Variants in IL20RB observed in about 807,000 individuals in gnomAD.
IL20RB encodes the protein interleukin-20 receptor subunit beta.
Under a neutral mutation model 33.3 loss-of-function variants are expected in IL20RB, and 21 were observed. The observed-to-expected ratio is 0.63, with a 90% CI of 0.45 to 0.91. The LOEUF (loss-of-function observed/expected upper bound fraction) is 0.91, where lower values mean the gene tolerates loss of function less well. IL20RB is among the 40% of genes least tolerant of loss of function. The pLI is 0.00. For synonymous variants in IL20RB, 147 were observed against 146.8 expected (o/e 1.00, Z -0.01); for missense variants, 345 against 384.8 (o/e 0.90, Z 0.86).
At chr3:136,983,398 A>G (rs548778184) in intron 3 of IL20RB, among the ~76,000 whole-genome samples, 2 of 152,302 alleles carry the variant, frequency 1.3e-5, no homozygotes, top group African/African-American at 4.8e-5. Flanking sequence ...GACCAGGTCT[A>G]TCTTACAAAG....
At chr3:136,971,211 A>T (rs1456302989) in intron 1 of IL20RB, among the ~76,000 whole-genome samples, 1 of 151,370 alleles carries the variant, frequency 6.6e-6, no homozygotes, top group Non-Finnish European at 1.5e-5. Context: ...GCTCACTGCA[A>T]CCTCTGCCTC....
At chr3:136,975,877 C>A (rs1203381587) in intron 1 of IL20RB, among the ~76,000 whole-genome samples, 1 of 152,134 alleles carries the variant, frequency 6.6e-6, no homozygotes, top group Non-Finnish European at 1.5e-5. Flanking sequence ...ATTGGGCCTC[C>A]ACATGGCTTG....
chr3:136,982,346 C>A lies in IL20RB; in HGVS notation c.402C>A (p.Asn134Lys). 2 of 1,578,768 alleles carry A rather than the reference C, an allele frequency of 1.3e-6. No homozygotes were observed. Among genetic ancestry groups the A allele is most frequent in the Non-Finnish European group, 1.7e-6 (2 of 1,154,474 alleles). The change falls in exon 3 of 7, where the codon AAC becomes AAA. Residue 134 changes from asparagine (N) to lysine (K), a missense_variant. Coordinates refer to ENST00000329582, the MANE Select transcript of IL20RB (RefSeq NM_144717.4). ...WSILKHPFNR[N>K]STILTRPGME... The stretch of plus-strand genomic sequence containing the variant: ...TCCTGAAGCATCCCTTTAATAGAAA[C>A]TCAAGTAAGGCACTTCTCTCCTTAC...
intron 5 of IL20RB, among the ~76,000 whole-genome samples, chr3:136,992,431 G>A (rs545878595): frequency 6.6e-6 from 1 of 152,358 alleles, no homozygotes; most frequent in East Asian, 1.9e-4. Context: ...ACAGGCTTCA[G>A]AGGGTCAGAC....
intron 3 of IL20RB, among the ~76,000 whole-genome samples, chr3:136,984,429 G>C (rs1386971709): frequency 6.6e-6 from 1 of 151,946 alleles, no homozygotes; most frequent in Non-Finnish European, 1.5e-5. Context: ...GGAATGGGTG[G>C]GAATGTAACC....
At chr3:136,972,205 G>GT (rs1251381607) in intron 1 of IL20RB, among the ~76,000 whole-genome samples, 3 of 152,194 alleles carry the variant, frequency 2.0e-5, no homozygotes, top group Admixed American at 2.0e-4. Context: ...TGTTATTTGA[G>GT]TTTTTTGTAT....
intron 1 of IL20RB, among the ~76,000 whole-genome samples, chr3:136,962,755 A>T (rs1941256638): frequency 6.7e-6 from 1 of 149,892 alleles, no homozygotes; most frequent in African/African-American, 2.4e-5. Context: ...CATCTCAAAA[A>T]AAAAACAAAA....
At chr3:136,962,616 G>C (rs779745254) in intron 1 of IL20RB, among the ~76,000 whole-genome samples, 2 of 151,986 alleles carry the variant, frequency 1.3e-5, no homozygotes, top group Admixed American at 6.6e-5. Context: ...GCCAAGTATG[G>C]TGGTGGGCGC....
chr3:136,989,747 TG>T (rs1329994729), intron 4 of IL20RB, among the ~76,000 whole-genome samples, 182 bp downstream of exon 4: 3 of 152,180 alleles, frequency 2.0e-5, no homozygotes, highest in African/African-American at 7.2e-5. Flanking sequence ...AGAACTTCCT[TG>T]GTCCATTCAA....
chr3:136,975,304 T>C lies in IL20RB; in HGVS notation c.89-5162T>C, dbSNP rs556113054. ...CCTGAAGATGTATCTGTGGTGTTCA[T>C]TGGCTACAGCATTTGGCATTTATTT... is the stretch of plus-strand genomic sequence containing the variant. On this transcript the variant is annotated intron_variant, in intron 1 of 6. Coordinates refer to ENST00000329582, the MANE Select transcript of IL20RB (RefSeq NM_144717.4). Among the ~76,000 whole-genome samples the C allele has an allele frequency of 4.6e-5, 7 of 152,250 alleles. No individual in the cohort carries two copies. In the South Asian group the frequency reaches 1.5e-3, roughly 32 times the overall value.
chr3:136,963,716 A>C (rs1251496740), intron 1 of IL20RB, among the ~76,000 whole-genome samples: 3 of 120,042 alleles, frequency 2.5e-5, no homozygotes, highest in Non-Finnish European at 5.1e-5. Flanking sequence ...ATTATACTCT[A>C]AGTTTTAGGG....
chr3:136,970,149 A>G (rs1941435269), intron 1 of IL20RB, among the ~76,000 whole-genome samples: 1 of 151,572 alleles, frequency 6.6e-6, no homozygotes, highest in Admixed American at 6.6e-5. Flanking sequence ...CTAGAGTGCA[A>G]TGCCTCAATC....
At chr3:136,960,043 C>T (rs115961758) in intron 1 of IL20RB, among the ~76,000 whole-genome samples, 65 of 149,012 alleles carry the variant, frequency 4.4e-4, no homozygotes, top group Non-Finnish European at 8.3e-4. Flanking sequence ...TTGACCATTT[C>T]CTCTGGATTG....
intron 6 of IL20RB, among the ~76,000 whole-genome samples, chr3:137,009,831 T>A (rs1933036462): frequency 6.6e-6 from 1 of 151,998 alleles, no homozygotes; most frequent in Non-Finnish European, 1.5e-5. Context: ...GCCTTTAATT[T>A]TTTTTTTAAG....
chr3:136,986,580 C>T (rs891056567), intron 3 of IL20RB: 1 of 427,726 alleles, frequency 2.3e-6, no homozygotes, highest in Non-Finnish European at 4.7e-6. Context: ...TTGGCCCTGG[C>T]TTCCCAAGTC....
chr3:136,988,998 C>T (rs1941972631), intron 3 of IL20RB, among the ~76,000 whole-genome samples: 1 of 152,090 alleles, frequency 6.6e-6, no homozygotes, highest in African/African-American at 2.4e-5. Flanking sequence ...ATTTGGCAAG[C>T]ATTAAAATAT....
At chr3:136,971,618 C>T (rs887018977) in intron 1 of IL20RB, among the ~76,000 whole-genome samples, 1 of 152,182 alleles carries the variant, frequency 6.6e-6, no homozygotes, top group Non-Finnish European at 1.5e-5. Flanking sequence ...TGGCTTATTT[C>T]ACTTAAGATA....
rs115653288 is a variant in IL20RB at position 136,982,856 on chromosome 3, G to A, written c.406+506G>A. ...AACTTTTCTTTTGGAGTAGTACCTGGAAAAGGATTGAGAAAGAAGTAATAG... is the reference window on the plus strand; with the variant it reads ...AACTTTTCTTTTGGAGTAGTACCTGAAAAAGGATTGAGAAAGAAGTAATAG... On this transcript the variant is annotated intron_variant, in intron 3 of 6. Coordinates refer to ENST00000329582, the MANE Select transcript of IL20RB (RefSeq NM_144717.4). 2.1e-3 allele frequency among the ~76,000 whole-genome samples: 327 copies of A among 152,330 alleles called. 3 individuals are homozygous for A. The highest frequency in any genetic ancestry group is 4.0e-3 in the Non-Finnish European group (271 of 68,036).
At chr3:137,001,983 T>A (rs1242502561) in intron 6 of IL20RB, among the ~76,000 whole-genome samples, 1 of 152,170 alleles carries the variant, frequency 6.6e-6, no homozygotes, top group African/African-American at 2.4e-5. Flanking sequence ...GTCCAAGTGA[T>A]CTCATTGTTC....
Sources: gnomAD v4.1 joint callset for allele counts (sites outside exome capture counted in the v4.1 genomes callset) on GRCh38, gnomAD v4.1.1 for gene constraint, MANE v1.5 for transcripts, NCBI Gene and HGNC (gene_info 2026-07-23, HGNC 2026-07-21) for gene names.